The following GPR149 variants were observed in gnomAD, a reference collection of about 807,000 sequenced individuals.
GPR149 encodes the protein probable G protein-coupled receptor 149.
Under a neutral mutation model 50.2 loss-of-function variants are expected in GPR149, and 50 were observed. That is an observed-to-expected ratio of 1.00 (90% CI 0.79 to 1.26). The LOEUF is 1.26. GPR149 is among the 50% of genes most tolerant of loss of function. The pLI is 0.00. For synonymous variants in GPR149, 405 were observed against 358.2 expected, an observed-to-expected ratio of 1.13 and a Z score of -1.48; for missense variants, 983 against 895.4, an observed-to-expected ratio of 1.10 and a Z score of -1.25.
At position 154,337,487 on chromosome 3, in the gene GPR149, T is replaced by C. The variant is rs139065050; in HGVS notation, c.*212A>G. ...AGAAGTCAGATAAGAAGTAAAATCT[T>C]TTCATTACCACAGTGTGTGATCTTT... On this transcript the variant is annotated 3_prime_UTR_variant, in exon 4 of 4. Transcript: ENST00000389740. Among the ~76,000 whole-genome samples the C allele has an allele frequency of 2.4e-3, 372 of 152,320 alleles. 2 individuals are homozygous for C. The highest frequency in any genetic ancestry group is 8.8e-3 in the African/African-American group (366 of 41,574).
rs1415507953 is a variant in GPR149, at chr3:154,428,955, C to T, written c.661G>A (p.Glu221Lys). 10 of 1,614,090 alleles carry T rather than the reference C, an allele frequency of 6.2e-6. No homozygotes were observed. The highest frequency in any genetic ancestry group is 8.5e-6 in the Non-Finnish European group (10 of 1,180,008). The stretch of plus-strand genomic sequence containing the variant: ...TAGTTGGAGTGGAGTCTCGGCGGCT[C>T]CTCCGAACACAGCAATCGGTGAGTG... ...PLTHRLLCSE[E>K]PPRLHSNYQE... is the part of the protein sequence containing the mutation. Residue 221 changes from glutamate to lysine, a missense_variant, in exon 1 of 4, where the codon GAG becomes AAG. By Grantham distance (56) the Glu-to-Lys change is moderately conservative. Coordinates refer to ENST00000389740, the MANE Select transcript of GPR149 (RefSeq NM_001038705.3).
intron 3 of GPR149, among the ~76,000 whole-genome samples, chr3:154,364,706 A>G (rs543144603): frequency 2.0e-4 from 31 of 152,382 alleles, no homozygotes; most frequent in African/African-American, 7.2e-4. Context: ...CTTCAGCTCT[A>G]TCTCCTGTCT....
intron 3 of GPR149, among the ~76,000 whole-genome samples, chr3:154,386,583 A>G (rs1393212714): frequency 6.6e-6 from 1 of 152,206 alleles, no homozygotes; most frequent in Non-Finnish European, 1.5e-5. Context: ...AGTGCAAACC[A>G]ATTCCTTCAA....
At chr3:154,426,817 G>C (rs926212295) in intron 2 of GPR149, among the ~76,000 whole-genome samples, 1 of 151,074 alleles carries the variant, frequency 6.6e-6, no homozygotes, top group Non-Finnish European at 1.5e-5. Context: ...ACTGTCACTT[G>C]TGTCTTTTTT....
At chr3:154,353,211 G>A (rs1714127851) in intron 3 of GPR149, 1 of 1,532,472 alleles carries the variant, frequency 6.5e-7, no homozygotes, top group Non-Finnish European at 9.0e-7. Context: ...AATAACTGCT[G>A]GCCTCTGAGA....
chr3:154,428,664 T>C lies in GPR149; in HGVS notation c.952A>G (p.Thr318Ala), dbSNP rs758892226. Reference protein sequence around the residue: ...QKRFALILALTKVVLWLPMMM... With the variant: ...QKRFALILALAKVVLWLPMMM... ...ATGGGCAGCCAAAGGACGACTTTTG[T>C]AAGCGCTAGGATCAAAGCGAAGCGC... Residue 318 changes from threonine to alanine, a missense_variant, in exon 1 of 4, where the codon ACA becomes GCA. Coordinates refer to ENST00000389740, the MANE Select transcript of GPR149 (RefSeq NM_001038705.3). 6.2e-7 allele frequency: 1 copy of C among 1,612,220 alleles called. No individual in the cohort carries two copies.
chr3:154,386,156 G>A (rs1219091160), intron 3 of GPR149, among the ~76,000 whole-genome samples: 1 of 152,074 alleles, frequency 6.6e-6, no homozygotes, highest in Non-Finnish European at 1.5e-5. Context: ...TTAATATCTG[G>A]TGAAGTGAGT....
intron 3 of GPR149, among the ~76,000 whole-genome samples, chr3:154,349,574 AT>A: frequency 6.6e-6 from 1 of 152,372 alleles, no homozygotes; most frequent in African/African-American, 2.4e-5. Context: ...CCCTGTAACT[AT>A]TAAGATAATT....
intron 3 of GPR149, among the ~76,000 whole-genome samples, chr3:154,377,321 G>A (rs1458206131): frequency 6.7e-6 from 1 of 149,418 alleles, no homozygotes; most frequent in Admixed American, 6.7e-5. Context: ...AGTGAACTTT[G>A]GGCTAGAAGA....
At chr3:154,365,506 A>G (rs575570000) in intron 3 of GPR149, among the ~76,000 whole-genome samples, 1 of 152,234 alleles carries the variant, frequency 6.6e-6, no homozygotes, top group African/African-American at 2.4e-5. Flanking sequence ...TTCTTTATAT[A>G]ACCAAGCTGA....
intron 3 of GPR149, among the ~76,000 whole-genome samples, chr3:154,367,961 C>T (rs1341312059): frequency 6.6e-6 from 1 of 152,162 alleles, no homozygotes. Context: ...TTAGCGCGGC[C>T]GCCGGACTAA....
intron 3 of GPR149, among the ~76,000 whole-genome samples, chr3:154,420,135 A>C (rs919160895): frequency 1.9e-4 from 29 of 152,130 alleles, no homozygotes; most frequent in Admixed American, 6.6e-4. Flanking sequence ...CAATGAGTAC[A>C]TTACTCCTAG....
intron 3 of GPR149, among the ~76,000 whole-genome samples, chr3:154,381,469 C>T (rs977465650): frequency 6.6e-6 from 1 of 152,008 alleles, no homozygotes; most frequent in South Asian, 2.1e-4. Flanking sequence ...TTCTTGAGTG[C>T]CAAGAAAAAT....
intron 3 of GPR149, among the ~76,000 whole-genome samples, chr3:154,357,771 C>T (rs1389741923): frequency 5.9e-5 from 9 of 152,130 alleles, no homozygotes; most frequent in Admixed American, 5.9e-4. Context: ...ACCATTTGAC[C>T]CAGCCATCCC....
intron 3 of GPR149, among the ~76,000 whole-genome samples, chr3:154,393,540 C>T (rs533913386): frequency 4.6e-5 from 7 of 151,900 alleles, no homozygotes; most frequent in Admixed American, 6.6e-5. Context: ...TGCCCACTCT[C>T]GCTACTTTTA....
At position 154,421,428 on chromosome 3, in the gene GPR149, T is replaced by C. The variant is rs1010014552; in HGVS notation, c.1234A>G (p.Ile412Val). The C allele has an allele frequency of 1.9e-6, 3 of 1,604,870 alleles. No individual in the cohort carries two copies. Among genetic ancestry groups the C allele is most frequent in the African/African-American group, 2.7e-5 (2 of 74,436 alleles). The change falls in exon 3 of 4, where the codon ATA becomes GTA. Residue 412 changes from isoleucine (I) to valine (V), a missense_variant. Transcript: ENST00000389740. ...TCATCATAGTAATCTTCATGTGCTATTTTATAAATCCCATAACTTTTTTGG... is the reference window on the plus strand; with the variant it reads ...TCATCATAGTAATCTTCATGTGCTACTTTATAAATCCCATAACTTTTTTGG... Reference protein sequence around the residue: ...SFQKSYGIYKIAHEDYYDDDE... With the variant: ...SFQKSYGIYKVAHEDYYDDDE...
intron 3 of GPR149, among the ~76,000 whole-genome samples, chr3:154,405,090 A>G (rs1053844365): frequency 6.6e-6 from 1 of 152,250 alleles, no homozygotes; most frequent in African/African-American, 2.4e-5. Flanking sequence ...ATAAAGAAGT[A>G]GTAAAGCAAT....
At chr3:154,395,339 T>C (rs1305798804) in intron 3 of GPR149, among the ~76,000 whole-genome samples, 1 of 151,316 alleles carries the variant, frequency 6.6e-6, no homozygotes, top group Non-Finnish European at 1.5e-5. Flanking sequence ...AAAGAACATA[T>C]ACACTCTACC....
intron 3 of GPR149, among the ~76,000 whole-genome samples, chr3:154,394,827 A>G (rs764992187): frequency 5.3e-5 from 8 of 152,196 alleles, no homozygotes; most frequent in Non-Finnish European, 1.0e-4. Flanking sequence ...GATGCTCAAC[A>G]TCACTAGTCA....
Sources: gnomAD v4.1 joint callset for allele counts (sites outside exome capture counted in the v4.1 genomes callset) on GRCh38, gnomAD v4.1.1 for gene constraint, MANE v1.5 for transcripts, NCBI Gene and HGNC (gene_info 2026-07-23, HGNC 2026-07-21) for gene names.